MRAP2: variants seen among roughly 807,000 people sequenced by gnomAD.
MRAP2 encodes the protein melanocortin 2 receptor accessory protein 2, also known as melanocortin-2 receptor accessory protein 2.
A neutral mutation model predicts 17.4 loss-of-function variants in MRAP2; 20 were observed. That is an observed-to-expected ratio of 1.15 (90% CI 0.81 to 1.67). The LOEUF (loss-of-function observed/expected upper bound fraction) is 1.67. MRAP2 is among the 40% of genes most tolerant of loss of function. MRAP2 has a pLI of 0.00. For synonymous variants in MRAP2, 96 were observed against 88.4 expected (o/e 1.09, Z -0.48); for missense variants, 238 against 240.0 (o/e 0.99, Z 0.05).
At chr6:84,126,607 A>G in the MRAP2 span, 1 of 909,624 alleles carries the variant, frequency 1.1e-6, no homozygotes, top group Non-Finnish European at 1.6e-6. Flanking sequence ...ATTTCTCTAT[A>G]TAAGTAAGAG....
At chr6:84,099,518 G>A in the MRAP2 span, among the ~76,000 whole-genome samples, 1 of 152,082 alleles carries the variant, frequency 6.6e-6, no homozygotes, top group Non-Finnish European at 1.5e-5. Flanking sequence ...GGTCATCAGG[G>A]CAGATTCCTC....
At chr6:84,135,688 C>A in the MRAP2 span, among the ~76,000 whole-genome samples, 3 of 152,130 alleles carry the variant, frequency 2.0e-5, no homozygotes, top group Non-Finnish European at 4.4e-5. Flanking sequence ...CATGGTGAAA[C>A]TCCATCTCTA....
In MRAP2 at chr6:84,089,156, T is replaced by G; in HGVS notation, c.293T>G (p.Leu98Arg). ...NSFVSDFGRP[L>R]EPDKVFSRQG... Reference sequence around the variant, plus strand: ...TTTGTGTCAGACTTTGGAAGACCTCTGGAGCCAGATAAAGTATTTTCTCGC... The same window carrying G: ...TTTGTGTCAGACTTTGGAAGACCTCGGGAGCCAGATAAAGTATTTTCTCGC... The change falls in exon 4 of 4, where the codon CTG (leucine) becomes CGG (arginine). Residue 98 changes from leucine (L) to arginine (R), a missense_variant. Transcript: ENST00000257776. The G allele has an allele frequency of 6.2e-7, 1 of 1,614,222 alleles. No individual in the cohort carries two copies. Among genetic ancestry groups the G allele is most frequent in the Non-Finnish European group, 8.5e-7 (1 of 1,180,040 alleles).
chr6:84,090,937 A>T (rs1047452200), downstream of MRAP2: 2 of 152,226 alleles, frequency 1.3e-5, no homozygotes, highest in African/African-American at 4.8e-5. Context: ...TTTCCCAAAA[A>T]GTTGTACCAT....
At chr6:84,081,774 A>G (rs2129174211) in intron 3 of MRAP2, among the ~76,000 whole-genome samples, 1 of 152,328 alleles carries the variant, frequency 6.6e-6, no homozygotes, top group South Asian at 2.1e-4. Flanking sequence ...GCCAAGATCA[A>G]GCCACTGCAC....
chr6:84,106,508 T>C, the MRAP2 span, among the ~76,000 whole-genome samples: 1 of 152,204 alleles, frequency 6.6e-6, no homozygotes, highest in Non-Finnish European at 1.5e-5. Context: ...CACTTAGCAG[T>C]GGTCATACCC....
At chr6:84,131,915 T>TG in the MRAP2 span, among the ~76,000 whole-genome samples, 1 of 152,240 alleles carries the variant, frequency 6.6e-6, no homozygotes, top group African/African-American at 2.4e-5. Context: ...GCTCATTAGT[T>TG]GGTGCAGTTT....
intron 3 of MRAP2, among the ~76,000 whole-genome samples, chr6:84,076,438 G>T (rs1302217885): frequency 1.3e-5 from 2 of 151,920 alleles, no homozygotes; most frequent in African/African-American, 4.8e-5. Context: ...TGGCCAAGCT[G>T]GTCTGGAACT....
chr6:84,072,406 A>G (rs2099496417), intron 3 of MRAP2, among the ~76,000 whole-genome samples: 1 of 152,212 alleles, frequency 6.6e-6, no homozygotes, highest in African/African-American at 2.4e-5. Context: ...GGTTGTCTGC[A>G]CAGAGTCCTG....
intron 1 of MRAP2, among the ~76,000 whole-genome samples, chr6:84,053,734 A>C (rs2099491032): frequency 6.6e-6 from 1 of 152,236 alleles, no homozygotes; most frequent in Non-Finnish European, 1.5e-5. Context: ...AACTCCATGA[A>C]GTGGGTACTA....
At chr6:84,061,664 C>A in intron 2 of MRAP2, 2 of 513,008 alleles carry the variant, frequency 3.9e-6, no homozygotes, top group Non-Finnish European at 5.0e-6. Context: ...GTGGTAAGAG[C>A]CCTGGTAAGG....
At chr6:84,142,582 G>A in the MRAP2 span, among the ~76,000 whole-genome samples, 3 of 152,150 alleles carry the variant, frequency 2.0e-5, no homozygotes, top group Admixed American at 2.0e-4. Flanking sequence ...TCAAGTTCAT[G>A]TGTCTCAGGT....
the MRAP2 span, among the ~76,000 whole-genome samples, chr6:84,103,807 A>G: frequency 7.2e-5 from 11 of 152,314 alleles, no homozygotes; most frequent in East Asian, 1.5e-3. Flanking sequence ...TACCATGACC[A>G]TAAGTGCAGG....
the MRAP2 span, among the ~76,000 whole-genome samples, chr6:84,123,898 T>C: frequency 1.2e-4 from 18 of 152,128 alleles, no homozygotes; most frequent in Admixed American, 2.0e-4. Flanking sequence ...CGTTACAAAC[T>C]GGGAGAAAAA....
At chr6:84,133,326 G>A in the MRAP2 span, among the ~76,000 whole-genome samples, 1 of 152,212 alleles carries the variant, frequency 6.6e-6, no homozygotes, top group African/African-American at 2.4e-5. Flanking sequence ...ACTTGAGGAG[G>A]CAGTCTGTCT....
chr6:84,136,947 A>C, the MRAP2 span, among the ~76,000 whole-genome samples: 1 of 152,180 alleles, frequency 6.6e-6, no homozygotes, highest in Non-Finnish European at 1.5e-5. Flanking sequence ...GAACTGAAAT[A>C]CTTCATAGGA....
chr6:84,128,146 G>A, the MRAP2 span, among the ~76,000 whole-genome samples: 1 of 152,264 alleles, frequency 6.6e-6, no homozygotes, highest in East Asian at 1.9e-4. Flanking sequence ...AATTATTCAT[G>A]AATTAATTAG....
At chr6:84,105,546 G>A in the MRAP2 span, among the ~76,000 whole-genome samples, 1,020 of 152,152 alleles carry the variant, frequency 6.7e-3, 7 homozygotes, top group African/African-American at 0.023. Context: ...GGTCCCTCCC[G>A]AAACATGTGG....
the MRAP2 span, chr6:84,125,032 G>T: frequency 6.8e-7 from 1 of 1,466,178 alleles, no homozygotes; most frequent in Non-Finnish European, 9.5e-7. Flanking sequence ...TCCATCTTCA[G>T]GCCTTTTAAT....
Sources: allele counts gnomAD v4.1 joint callset (sites outside exome capture counted in the v4.1 genomes callset), GRCh38; gene constraint gnomAD v4.1.1; transcripts MANE v1.5; gene names NCBI Gene and HGNC (gene_info 2026-07-23, HGNC 2026-07-21).